Variants in SC5D observed in about 807,000 individuals in gnomAD.
The protein encoded by SC5D is sterol-C5-desaturase, also known as lathosterol oxidase.
A neutral mutation model predicts 23.9 loss-of-function variants in SC5D; 21 were observed. That is an observed-to-expected ratio of 0.88 (90% CI 0.62 to 1.26). The LOEUF (loss-of-function observed/expected upper bound fraction) is 1.26. Ranked by LOEUF, SC5D falls within the 50% of genes most tolerant of loss-of-function variation. The probability of loss-of-function intolerance (pLI) is 0.00; values close to 1 mark genes in which losing one functional copy is unlikely to be tolerated. For missense variants in SC5D, 309 were observed against 364.8 expected (o/e 0.85, Z 1.25); for synonymous variants, 113 against 125.9 (o/e 0.90, Z 0.68).
At chr11:121,301,028 G>C (rs1361507918) in intron 1 of SC5D, among the ~76,000 whole-genome samples, 1 of 152,160 alleles carries the variant, frequency 6.6e-6, no homozygotes, top group Non-Finnish European at 1.5e-5. Context: ...CATACAATCT[G>C]ATTTCAAGAG....
intron 1 of SC5D, among the ~76,000 whole-genome samples, chr11:121,300,355 T>G (rs1452390414): frequency 5.3e-5 from 8 of 152,188 alleles, no homozygotes; most frequent in Admixed American, 2.6e-4. Context: ...ACAGTAACTA[T>G]GAAAAACAGC....
chr11:121,295,842 C>G (rs895561310), intron 1 of SC5D, among the ~76,000 whole-genome samples: 5 of 152,090 alleles, frequency 3.3e-5, no homozygotes, highest in Admixed American at 3.3e-4. Flanking sequence ...CACAGTCATC[C>G]TAGATTTCTC....
intron 1 of SC5D, among the ~76,000 whole-genome samples, chr11:121,299,955 A>G (rs1054109566): frequency 6.6e-6 from 1 of 152,236 alleles, no homozygotes; most frequent in Non-Finnish European, 1.5e-5. Flanking sequence ...TTATTTAATG[A>G]CAGGGAGAAG....
At position 121,294,188 on chromosome 11, in the gene SC5D, G is replaced by A. The variant is rs138773142; in HGVS notation, c.-11+1372G>A. Among the ~76,000 whole-genome samples, 1,358 of 152,280 alleles carry A rather than the reference G, an allele frequency of 8.9e-3. 17 individuals carry two copies. The highest frequency in any genetic ancestry group is 0.061 in the South Asian group (296 of 4,830). ...GTTTCTTTAATTCTGCAAGGACAAA[G>A]TATTTAAGTTTCTGTTTGAAGCAGT... On this transcript the variant is annotated intron_variant, in intron 1 of 4. Transcript: ENST00000264027.
rs1316601521 is a variant in SC5D at position 121,309,736 on chromosome 11, C to T, written c.*2224C>T. Among the ~76,000 whole-genome samples, 7 of 152,166 alleles carry T rather than the reference C, an allele frequency of 4.6e-5. No homozygotes were observed. Among genetic ancestry groups the T allele is most frequent in the Non-Finnish European group, 8.8e-5 (6 of 68,018 alleles). Reference sequence around the variant, plus strand: ...CTCAAATTCTGGTCTTTTAAAGCAGCGTTATGTTAAGTAGTCCTAACATTG... The same window carrying T: ...CTCAAATTCTGGTCTTTTAAAGCAGTGTTATGTTAAGTAGTCCTAACATTG... On this transcript the variant is annotated 3_prime_UTR_variant, in exon 5 of 5. Transcript: ENST00000264027.
rs1055496062 is a variant in SC5D at position 121,311,733 on chromosome 11, A to G, written c.*4221A>G. Among the ~76,000 whole-genome samples the G allele has an allele frequency of 2.3e-4, 35 of 152,238 alleles. No homozygotes were observed. Among genetic ancestry groups the G allele is most frequent in the African/African-American group, 8.2e-4 (34 of 41,472 alleles). On this transcript the variant is annotated 3_prime_UTR_variant, in exon 5 of 5. Transcript: ENST00000264027. ...TGGTTTCTCCATCTGTAAATTGATT[A>G]AAACACTGCCTATCTAATAAGATTA...
intron 3 of SC5D, 58 bp downstream of exon 3, chr11:121,304,551 T>G: frequency 6.6e-7 from 1 of 1,504,564 alleles, no homozygotes; most frequent in Non-Finnish European, 9.2e-7. Context: ...TTAGTTTCCT[T>G]AAAAAAACAA....
intron 1 of SC5D, among the ~76,000 whole-genome samples, chr11:121,293,569 G>A (rs1330469298): frequency 6.6e-6 from 1 of 152,212 alleles, no homozygotes; most frequent in Non-Finnish European, 1.5e-5. Flanking sequence ...TTACAGCAGA[G>A]TAGATTTGGA....
intron 1 of SC5D, among the ~76,000 whole-genome samples, chr11:121,302,959 G>A (rs1334155863): frequency 1.3e-5 from 2 of 152,178 alleles, no homozygotes; most frequent in African/African-American, 4.8e-5. Flanking sequence ...GGAGAGAGAT[G>A]AGCTGAAACT....
chr11:121,293,245 G>T (rs533464103), intron 1 of SC5D, among the ~76,000 whole-genome samples: 1 of 152,358 alleles, frequency 6.6e-6, no homozygotes, highest in Non-Finnish European at 1.5e-5. Context: ...CCGTGGACGG[G>T]CTTAAAGAAA....
intron 1 of SC5D, among the ~76,000 whole-genome samples, chr11:121,296,655 C>A (rs932985285): frequency 6.6e-6 from 1 of 152,134 alleles, no homozygotes; most frequent in African/African-American, 2.4e-5. Context: ...AGTTGCCCTA[C>A]CTTTAAGACT....
At chr11:121,306,356 G>C (rs377279122) in intron 3 of SC5D, 30 bp from the exon 4 acceptor site, 50 of 1,160,290 alleles carry the variant, frequency 4.3e-5, no homozygotes, top group Non-Finnish European at 6.1e-5. Flanking sequence ...GCTGAGTTTT[G>C]ATTCTTCTGT....
chr11:121,298,723 G>C (rs1026236777), intron 1 of SC5D, among the ~76,000 whole-genome samples: 1 of 152,104 alleles, frequency 6.6e-6, no homozygotes, highest in South Asian at 2.1e-4. Context: ...TGTCACGCAC[G>C]TCCATGTGAA....
At chr11:121,306,526 A>G (rs998837659) in intron 4 of SC5D, 40 bp downstream of exon 4, 2 of 946,098 alleles carry the variant, frequency 2.1e-6, no homozygotes, top group Non-Finnish European at 1.7e-6. Flanking sequence ...AAGGTTACAC[A>G]TTTCAGCAAT....
chr11:121,301,550 G>A (rs1464794028), intron 1 of SC5D, among the ~76,000 whole-genome samples: 2 of 152,128 alleles, frequency 1.3e-5, no homozygotes, highest in South Asian at 2.1e-4. Context: ...GAAAGTCATA[G>A]AAAGTTTAAG....
At chr11:121,298,647 G>A (rs1343595345) in intron 1 of SC5D, among the ~76,000 whole-genome samples, 4 of 152,254 alleles carry the variant, frequency 2.6e-5, no homozygotes, top group Admixed American at 2.6e-4. Context: ...CATTAATCCT[G>A]ATGCTTCTGT....
At position 121,311,594 on chromosome 11, in the gene SC5D, A is replaced by G. The variant is rs554993464; in HGVS notation, c.*4082A>G. Among the ~76,000 whole-genome samples the G allele has an allele frequency of 2.6e-5, 4 of 152,354 alleles. No homozygotes were observed. Among genetic ancestry groups the G allele is most frequent in the East Asian group, 1.9e-4 (1 of 5,194 alleles). On this transcript the variant is annotated 3_prime_UTR_variant, in exon 5 of 5. Transcript: ENST00000264027. ...TAAAAGAAAAAAGATCCTCAAAGAT[A>G]TTAGTTGGTTACATCAAGAAAGGAC...
chr11:121,306,834 T>C, intron 4 of SC5D: 1 of 639,364 alleles, frequency 1.6e-6, no homozygotes, highest in East Asian at 2.7e-5. Context: ...AAAGCCAGAC[T>C]TCACCACTGT....
Position 121,311,808 on chromosome 11 carries a change from T to C in SC5D, c.*4296T>C, listed in dbSNP as rs2134274726. ...ATGTCAACTGAAACTATTGTTCATG[T>C]AAATTGTGCTTGATGCTTTTTCTTT... is the stretch of plus-strand genomic sequence containing the variant. On this transcript the variant is annotated 3_prime_UTR_variant, in exon 5 of 5. Transcript: ENST00000264027. 6.6e-6 allele frequency among the ~76,000 whole-genome samples: 1 copy of C among 152,354 alleles called. No individual in the cohort carries two copies. Among genetic ancestry groups the C allele is most frequent in the South Asian group, 2.1e-4 (1 of 4,830 alleles).
Sources: allele counts gnomAD v4.1 joint callset (sites outside exome capture counted in the v4.1 genomes callset), GRCh38; gene constraint gnomAD v4.1.1; transcripts MANE v1.5; gene names NCBI Gene and HGNC (gene_info 2026-07-23, HGNC 2026-07-21).